LRRC37A2: variants seen among roughly 807,000 people sequenced by gnomAD.
The protein encoded by LRRC37A2 is leucine-rich repeat-containing protein 37A2.
In LRRC37A2, 9 loss-of-function variants were observed where a neutral mutation model predicts 68.8. The observed-to-expected ratio is 0.13, with a 90% confidence interval of 0.08 to 0.23. The LOEUF (loss-of-function observed/expected upper bound fraction) is 0.23, where lower values mean the gene tolerates loss of function less well. Ranked by LOEUF, LRRC37A2 falls within the 10% of genes least tolerant of loss-of-function variation. The pLI, the probability that LRRC37A2 is intolerant of heterozygous loss-of-function variation, is 1.00. For synonymous variants in LRRC37A2, 63 were observed against 367.6 expected (o/e 0.17, Z 9.48); for missense variants, 168 against 950.4 (o/e 0.18, Z 10.82).
intron 12 of LRRC37A2, chr17:46,554,441 C>A (rs2145924108): frequency 4.4e-5 from 1 of 22,596 alleles, no homozygotes; most frequent in Admixed American, 4.9e-4. Context: ...AAAAAAACAA[C>A]AAAAAAGAAT....
chr17:46,747,204 A>G, the LRRC37A2 span, among the ~76,000 whole-genome samples: 2 of 152,244 alleles, frequency 1.3e-5, no homozygotes, highest in Non-Finnish European at 2.9e-5. Flanking sequence ...CAGAAAACAA[A>G]TTGGAAAAAG....
chr17:46,857,967 T>C, the LRRC37A2 span, among the ~76,000 whole-genome samples: 1 of 152,208 alleles, frequency 6.6e-6, no homozygotes, highest in Admixed American at 6.5e-5. Context: ...TCTCACTCTG[T>C]ATCCCAGGCT....
the LRRC37A2 span, among the ~76,000 whole-genome samples, chr17:46,926,922 C>T: frequency 6.6e-6 from 1 of 152,200 alleles, no homozygotes; most frequent in Non-Finnish European, 1.5e-5. Context: ...AGGACACATT[C>T]CTCAAACTGC....
chr17:46,823,618 T>G, the LRRC37A2 span, among the ~76,000 whole-genome samples: 1 of 152,130 alleles, frequency 6.6e-6, no homozygotes, highest in Non-Finnish European at 1.5e-5. Flanking sequence ...TTGTGTTTTT[T>G]TGGTAGAGAC....
chr17:46,439,541 TA>T, the LRRC37A2 span, among the ~76,000 whole-genome samples: 1 of 92,120 alleles, frequency 1.1e-5, no homozygotes, highest in Admixed American at 1.1e-4. Context: ...TTAGAAATTG[TA>T]TTCAGTTTTT....
chr17:46,861,521 C>G, the LRRC37A2 span, among the ~76,000 whole-genome samples: 1 of 152,200 alleles, frequency 6.6e-6, no homozygotes, highest in African/African-American at 2.4e-5. Flanking sequence ...GGAGCCATGG[C>G]CTGGCTTCTG....
chr17:47,027,511 C>T, the LRRC37A2 span: 1 of 897,370 alleles, frequency 1.1e-6, no homozygotes, highest in Non-Finnish European at 1.8e-6. Context: ...TACCAATCAA[C>T]ATTTAATAAC....
the LRRC37A2 span, among the ~76,000 whole-genome samples, chr17:46,873,593 T>G: frequency 6.6e-6 from 1 of 152,182 alleles, no homozygotes; most frequent in Admixed American, 6.5e-5. Context: ...GCGCAGTGGC[T>G]TGTGCCTCTA....
the LRRC37A2 span, among the ~76,000 whole-genome samples, chr17:46,745,952 T>A: frequency 6.6e-6 from 1 of 152,226 alleles, no homozygotes; most frequent in Non-Finnish European, 1.5e-5. Context: ...AGAATGTCCT[T>A]CCCCTTCATC....
At chr17:47,008,111 A>AT in the LRRC37A2 span, among the ~76,000 whole-genome samples, 12,696 of 142,210 alleles carry the variant, frequency 0.089, 745 homozygotes, top group South Asian at 0.2. Flanking sequence ...AATTTAATTA[A>AT]TTTTTTTTTT....
chr17:46,976,391 T>A, the LRRC37A2 span, among the ~76,000 whole-genome samples: 3 of 150,886 alleles, frequency 2.0e-5, no homozygotes, highest in Non-Finnish European at 3.0e-5. Flanking sequence ...AATAAATAAA[T>A]AAATAATTAG....
At chr17:46,975,891 T>G in the LRRC37A2 span, among the ~76,000 whole-genome samples, 1 of 78,758 alleles carries the variant, frequency 1.3e-5, no homozygotes, top group Admixed American at 1.3e-4. Context: ...AGAAGAAAGA[T>G]AAAGGAAGGA....
At chr17:46,939,565 G>T in the LRRC37A2 span, 6 of 985,358 alleles carry the variant, frequency 6.1e-6, no homozygotes, top group Non-Finnish European at 7.2e-6. Flanking sequence ...TTAGAAAGTA[G>T]CTGTAGGCAA....
chr17:46,818,881 G>C, the LRRC37A2 span: 2 of 519,932 alleles, frequency 3.8e-6, no homozygotes, highest in South Asian at 4.6e-5. Flanking sequence ...CTCGGGCTCC[G>C]GGAAGGGCAT....
chr17:47,014,710 C>G, the LRRC37A2 span, among the ~76,000 whole-genome samples: 4 of 151,904 alleles, frequency 2.6e-5, no homozygotes, highest in Non-Finnish European at 5.9e-5. Flanking sequence ...CGAACACAGG[C>G]CTTGTTAGAA....
chr17:46,569,232 G>A, the LRRC37A2 span, among the ~76,000 whole-genome samples: 7 of 151,712 alleles, frequency 4.6e-5, no homozygotes, highest in East Asian at 1.9e-4. Flanking sequence ...ACAGGTGTAA[G>A]CCACCACACT....
At chr17:46,896,426 GAAAGAAAGAAAGAAAGAAAGAAAGAA>G in the LRRC37A2 span, among the ~76,000 whole-genome samples, 497 of 88,180 alleles carry the variant, frequency 5.6e-3, 6 homozygotes, top group African/African-American at 0.037. Context: ...AAGAAAGAAA[GAAAGAAAGAAAGAAAGAAAGAAAGAA>G]AAAGAAAGAA....
the LRRC37A2 span, among the ~76,000 whole-genome samples, chr17:47,006,096 C>T: frequency 7.1e-4 from 108 of 152,104 alleles, 1 homozygote; most frequent in African/African-American, 2.1e-3. Flanking sequence ...TGCTTGAACC[C>T]GAGAGAAGGA....
the LRRC37A2 span, among the ~76,000 whole-genome samples, chr17:46,790,438 T>A: frequency 1.3e-5 from 2 of 151,948 alleles, no homozygotes; most frequent in African/African-American, 4.8e-5. Context: ...CTCCCTCCCC[T>A]CTGTGGTATC....
Sources: allele counts gnomAD v4.1 joint callset (sites outside exome capture counted in the v4.1 genomes callset), GRCh38; gene constraint gnomAD v4.1.1; transcripts MANE v1.5; gene names NCBI Gene and HGNC (gene_info 2026-07-23, HGNC 2026-07-21).